Variants in TRHDE observed in about 807,000 individuals in gnomAD.
TRHDE encodes thyrotropin-releasing hormone-degrading ectoenzyme.
Under a neutral mutation model 125.7 loss-of-function variants are expected in TRHDE, and 72 were observed. That is an observed-to-expected ratio of 0.57 (90% CI 0.47 to 0.70). The LOEUF (loss-of-function observed/expected upper bound fraction) is 0.70, where lower values mean the gene tolerates loss of function less well. Among genes scored for constraint, TRHDE ranks in the 30% least tolerant of loss-of-function variants. The pLI, the probability that TRHDE is intolerant of heterozygous loss-of-function variation, is 0.00. For missense variants in TRHDE, 1,110 were observed against 1,327.1 expected (o/e 0.84, Z 2.54); for synonymous variants, 509 against 509.1 (o/e 1.00, Z 0.00).
rs1592547373 is a variant in TRHDE, at chr12:72,575,107, G to A, written c.2132-148G>A. 2.6e-5 allele frequency: 19 copies of A among 719,768 alleles called. No homozygotes were observed. The East Asian group carries it at 5.2e-4, about 20-fold the overall frequency. 44.6% of individuals were successfully genotyped at this position (719,768 alleles called of 1,614,324 possible). A position where few individuals can be genotyped will look rare whatever the true frequency, so the allele number is the denominator to read the frequency against. ...TTTTTCTAGCAAATTCTAGATGCAAGTGATTAATTAAAGAGTAGGCTTCAA... is the reference window on the plus strand; with the variant it reads ...TTTTTCTAGCAAATTCTAGATGCAAATGATTAATTAAAGAGTAGGCTTCAA... On this transcript the variant is annotated intron_variant, in intron 10 of 18. Transcript: ENST00000261180.
intron 2 of TRHDE, among the ~76,000 whole-genome samples, chr12:72,235,689 A>G (rs1229006671): frequency 6.6e-6 from 1 of 152,192 alleles, no homozygotes; most frequent in African/African-American, 2.4e-5. Context: ...CAGGTTAACT[A>G]TGTATGTGAT....
chr12:72,228,331 C>T (rs1878177903), intron 2 of TRHDE, among the ~76,000 whole-genome samples: 1 of 152,212 alleles, frequency 6.6e-6, no homozygotes, highest in Non-Finnish European at 1.5e-5. Context: ...ATGTAAGCTT[C>T]CAAGGCTTGG....
chr12:72,517,680 C>CTT (rs1307259510), intron 6 of TRHDE, among the ~76,000 whole-genome samples: 1 of 151,994 alleles, frequency 6.6e-6, no homozygotes, highest in Non-Finnish European at 1.5e-5. Flanking sequence ...TTCTTGCCTT[C>CTT]TGCTAGCTTT....
At chr12:72,344,662 G>A (rs963252518) in intron 2 of TRHDE, among the ~76,000 whole-genome samples, 1 of 152,092 alleles carries the variant, frequency 6.6e-6, no homozygotes, top group Admixed American at 6.6e-5. Flanking sequence ...CTGTTGGTGT[G>A]CAAAAGAAAA....
At chr12:72,488,016 A>G (rs1877491529) in intron 5 of TRHDE, among the ~76,000 whole-genome samples, 1 of 152,062 alleles carries the variant, frequency 6.6e-6, no homozygotes, top group Admixed American at 6.5e-5. Context: ...AATTCAACAG[A>G]TACACAAGCA....
chr12:72,579,533 C>A (rs984878982), intron 12 of TRHDE, among the ~76,000 whole-genome samples: 21 of 152,098 alleles, frequency 1.4e-4, no homozygotes, highest in Middle Eastern at 3.2e-3. Flanking sequence ...TTGTAGCATA[C>A]ACTTTACAGT....
intron 3 of TRHDE, among the ~76,000 whole-genome samples, chr12:72,448,940 G>A (rs1200180456): frequency 6.6e-6 from 1 of 151,898 alleles, no homozygotes; most frequent in African/African-American, 2.4e-5. Flanking sequence ...TGACTGGCTT[G>A]TAATGCCACT....
At chr12:72,096,134 TACACACACAC>T (rs144560604) in intron 1 of TRHDE, among the ~76,000 whole-genome samples, 3 of 145,196 alleles carry the variant, frequency 2.1e-5, no homozygotes, top group South Asian at 2.3e-4. Flanking sequence ...CTTATGTGTA[TACACACACAC>T]ACACACACAC....
chr12:72,184,341 G>A (rs894065774), intron 2 of TRHDE, among the ~76,000 whole-genome samples: 1 of 152,016 alleles, frequency 6.6e-6, no homozygotes, highest in African/African-American at 2.4e-5. Flanking sequence ...TCCAAAGCCT[G>A]AGCAAGATGA....
chr12:72,186,326 C>T (rs1565657882), intron 2 of TRHDE: 3 of 158,676 alleles, frequency 1.9e-5, no homozygotes, highest in Non-Finnish European at 2.7e-5. Context: ...TGCAGCTTCA[C>T]TCCTGAGCCC....
In TRHDE at chr12:72,490,604, T is replaced by TACACAC. The variant is rs56752236; in HGVS notation, c.1585-8876_1585-8871dup. On this transcript the variant is annotated intron_variant, in intron 5 of 18. Coordinates refer to ENST00000261180, the MANE Select transcript of TRHDE (RefSeq NM_013381.3). The stretch of plus-strand genomic sequence containing the variant: ...TCGATGAGGAAATTTTGTGTATAAA[T>TACACAC]ACACACACACACACACACACACATT... 3.4e-5 allele frequency among the ~76,000 whole-genome samples: 5 copies of TACACAC among 148,236 alleles called. No homozygotes were observed. In the East Asian group the frequency reaches 5.9e-4, roughly 18 times the overall value.
intron 3 of TRHDE, among the ~76,000 whole-genome samples, chr12:72,444,788 GAAAGGAGTGTATTTT>G (rs1875192966): frequency 6.6e-6 from 1 of 151,872 alleles, no homozygotes. Flanking sequence ...ATCACATAGT[GAAAGGAGTGTATTTT>G]AAAGGAGGCG....
intron 1 of TRHDE, among the ~76,000 whole-genome samples, chr12:72,089,746 C>T (rs1049238869): frequency 2.0e-5 from 3 of 152,144 alleles, no homozygotes; most frequent in African/African-American, 7.2e-5. Context: ...CACTTCCTTA[C>T]ATACTGTATA....
At chr12:72,143,795 T>C (rs1316440936) in intron 2 of TRHDE, among the ~76,000 whole-genome samples, 1 of 152,124 alleles carries the variant, frequency 6.6e-6, no homozygotes, top group African/African-American at 2.4e-5. Context: ...GGGTTAGGGA[T>C]GAGCTAGATC....
chr12:72,622,660 TA>T (rs1450741097), intron 15 of TRHDE, among the ~76,000 whole-genome samples: 2 of 152,190 alleles, frequency 1.3e-5, no homozygotes, highest in Admixed American at 1.3e-4. Flanking sequence ...TTGTACTGGT[TA>T]AACTTAGAGA....
At chr12:72,403,859 G>A (rs951297765) in intron 3 of TRHDE, among the ~76,000 whole-genome samples, 3 of 152,200 alleles carry the variant, frequency 2.0e-5, no homozygotes, top group Non-Finnish European at 4.4e-5. Flanking sequence ...TGGGGGCTCA[G>A]AGTGGAGTGG....
chr12:72,491,398 G>A (rs1052982288), intron 5 of TRHDE, among the ~76,000 whole-genome samples: 20 of 151,890 alleles, frequency 1.3e-4, no homozygotes, highest in African/African-American at 4.8e-4. Context: ...AAATGTGAGT[G>A]ACTGATTGAT....
chr12:72,642,709 AT>A (rs1874115404), intron 15 of TRHDE, among the ~76,000 whole-genome samples: 1 of 152,136 alleles, frequency 6.6e-6, no homozygotes. Flanking sequence ...TTAAAGAGAA[AT>A]GACTGTGGGA....
chr12:72,533,470 G>A (rs946574971), intron 6 of TRHDE, among the ~76,000 whole-genome samples: 1 of 152,070 alleles, frequency 6.6e-6, no homozygotes, highest in Admixed American at 6.6e-5. Context: ...ACCATGCCCA[G>A]CTGAAAATTA....
Sources: allele counts gnomAD v4.1 joint callset (sites outside exome capture counted in the v4.1 genomes callset), GRCh38; gene constraint gnomAD v4.1.1; transcripts MANE v1.5; gene names NCBI Gene and HGNC (gene_info 2026-07-23, HGNC 2026-07-21).